The following PLCE1 variants were observed in gnomAD, a reference collection of about 807,000 sequenced individuals.
The protein encoded by PLCE1 is 1-phosphatidylinositol 4,5-bisphosphate phosphodiesterase epsilon-1.
In PLCE1, 119 loss-of-function variants were observed where a neutral mutation model predicts 242.8. The observed-to-expected ratio is 0.49, with a 90% CI of 0.42 to 0.57. The LOEUF (loss-of-function observed/expected upper bound fraction) is 0.57, where lower values mean the gene tolerates loss of function less well. Among genes scored for constraint, PLCE1 ranks in the 20% least tolerant of loss-of-function variants. The pLI is 0.00. For synonymous variants in PLCE1, 945 were observed against 1,017.4 expected (o/e 0.93, Z 1.35); for missense variants, 2,441 against 2,788.8 (o/e 0.88, Z 2.81).
chr10:94,150,102 T>C (rs1392695698), intron 3 of PLCE1, among the ~76,000 whole-genome samples: 1 of 152,186 alleles, frequency 6.6e-6, no homozygotes, highest in Non-Finnish European at 1.5e-5. Context: ...AACAAGTAGA[T>C]GTTAACACAC....
intron 11 of PLCE1, 127 bp downstream of exon 11, chr10:94,255,176 G>A (rs1244541318): frequency 2.6e-6 from 3 of 1,147,274 alleles, no homozygotes; most frequent in Admixed American, 2.2e-5. Context: ...ACTGAAAACT[G>A]AAAAATCCCA....
intron 2 of PLCE1, among the ~76,000 whole-genome samples, chr10:94,102,782 A>G (rs543135429): frequency 3.3e-5 from 5 of 152,284 alleles, no homozygotes; most frequent in Admixed American, 3.3e-4. Context: ...AAGCCCACCC[A>G]TTCCCAGGGG....
chr10:94,226,399 A>G (rs1428760149), intron 4 of PLCE1, among the ~76,000 whole-genome samples: 2 of 152,170 alleles, frequency 1.3e-5, no homozygotes, highest in South Asian at 2.1e-4. Context: ...GACCTTACAC[A>G]CATCCCTGAG....
In PLCE1 at chr10:94,067,448, A is replaced by T. The variant is rs570859502; in HGVS notation, c.1206+35196A>T. Reference sequence around the variant, plus strand: ...ACCTCTTCATAATGCAAATCTGATCATCTCATTCATTCCTTGTTAAAAGCC... The same window carrying T: ...ACCTCTTCATAATGCAAATCTGATCTTCTCATTCATTCCTTGTTAAAAGCC... On this transcript the variant is annotated intron_variant, in intron 2 of 32. Coordinates refer to ENST00000371380, the MANE Select transcript of PLCE1 (RefSeq NM_016341.4). Among the ~76,000 whole-genome samples the T allele has an allele frequency of 1.3e-4, 20 of 152,326 alleles. No homozygotes were observed. In the South Asian group the frequency reaches 3.7e-3, roughly 28 times the overall value.
In PLCE1 at chr10:94,293,563, G is replaced by T; in HGVS notation, c.5091G>T (p.Arg1697Ser). ...GSSRGKERKS[R>S]KSIFGNNPGR... ...GCAGAGGAAAAGAAAGGAAAAGCAG[G>T]AAGTCCATTTTTGGCAACAATCCGG... Residue 1697 changes from arginine to serine, a missense_variant, in exon 23 of 33, where the codon AGG becomes AGT. Coordinates refer to ENST00000371380, the MANE Select transcript of PLCE1 (RefSeq NM_016341.4). The T allele has an allele frequency of 6.2e-7, 1 of 1,613,968 alleles. No homozygotes were observed.
chr10:94,058,336 A>C (rs1374953133), intron 2 of PLCE1, among the ~76,000 whole-genome samples: 1 of 152,164 alleles, frequency 6.6e-6, no homozygotes, highest in Non-Finnish European at 1.5e-5. Flanking sequence ...TAGAAATGTC[A>C]ACAGCAGAGA....
chr10:94,091,314 A>G (rs564240430), intron 2 of PLCE1, among the ~76,000 whole-genome samples: 5 of 152,358 alleles, frequency 3.3e-5, no homozygotes, highest in African/African-American at 1.2e-4. Context: ...AAGGGTAAAC[A>G]ATGAAAAGCC....
chr10:94,127,812 A>G (rs1590080855), intron 2 of PLCE1, among the ~76,000 whole-genome samples: 2 of 152,328 alleles, frequency 1.3e-5, no homozygotes, highest in African/African-American at 4.8e-5. Context: ...TGGCAAAGCA[A>G]CTTATCCAAG....
intron 4 of PLCE1, among the ~76,000 whole-genome samples, chr10:94,222,359 A>G (rs554774628): frequency 5.3e-5 from 8 of 152,290 alleles, no homozygotes; most frequent in African/African-American, 1.7e-4. Flanking sequence ...TCATTCATTC[A>G]TTCATATGTT....
chr10:94,214,132 A>G (rs1032471249), intron 4 of PLCE1, among the ~76,000 whole-genome samples: 1 of 152,218 alleles, frequency 6.6e-6, no homozygotes, highest in Admixed American at 6.5e-5. Context: ...GACATGAGTG[A>G]GAGGTGCTTG....
chr10:94,284,898 G>A lies in PLCE1; in HGVS notation c.4968G>A (p.Lys1656=), dbSNP rs1039674982. ...AATTTTATCTTGATCAGAATAAAAA[G>A]GAAAGCAGACAGATTGCACCAGAGC... The part of the protein sequence containing the change: ...GEEFYLDQNK[K]ESRQIAPELS... The change falls in exon 22 of 33, where the codon AAG becomes AAA. Residue 1656 remains lysine (K), a synonymous_variant. Coordinates refer to ENST00000371380, the MANE Select transcript of PLCE1 (RefSeq NM_016341.4). The A allele has an allele frequency of 1.7e-5, 28 of 1,611,918 alleles. No individual in the cohort carries two copies. The highest frequency in any genetic ancestry group is 2.3e-5 in the Non-Finnish European group (27 of 1,178,280).
At chr10:94,047,754 A>G (rs1185128706) in intron 2 of PLCE1, among the ~76,000 whole-genome samples, 1 of 152,198 alleles carries the variant, frequency 6.6e-6, no homozygotes, top group African/African-American at 2.4e-5. Context: ...GACAAACCCT[A>G]TGCCTAGCCA....
chr10:94,303,288 A>G (rs1448864546), intron 24 of PLCE1, among the ~76,000 whole-genome samples: 1 of 152,228 alleles, frequency 6.6e-6, no homozygotes, highest in Non-Finnish European at 1.5e-5. Flanking sequence ...GGGAGTATTC[A>G]TCAGGTGTGT....
intron 7 of PLCE1, among the ~76,000 whole-genome samples, chr10:94,243,917 ATT>A (rs1470529531): frequency 6.6e-6 from 1 of 152,190 alleles, no homozygotes; most frequent in East Asian, 1.9e-4. Context: ...CTTGCTTAAA[ATT>A]TGTGTTATTC....
At chr10:94,146,936 G>A (rs1209310084) in intron 3 of PLCE1, among the ~76,000 whole-genome samples, 1 of 152,172 alleles carries the variant, frequency 6.6e-6, no homozygotes, top group East Asian at 1.9e-4. Flanking sequence ...GTTCCAGGTA[G>A]CATTCACATT....
At chr10:94,318,131 T>C (rs2053640781) in intron 29 of PLCE1, among the ~76,000 whole-genome samples, 1 of 152,222 alleles carries the variant, frequency 6.6e-6, no homozygotes, top group South Asian at 2.1e-4. Context: ...TGACCTTGCC[T>C]GAGACAATGA....
chr10:94,304,042 T>C (rs1158858451), intron 24 of PLCE1, among the ~76,000 whole-genome samples: 1 of 152,206 alleles, frequency 6.6e-6, no homozygotes, highest in South Asian at 2.1e-4. Context: ...AAGGATGGTA[T>C]AGGTTATAAT....
In PLCE1 at chr10:94,308,563, A is replaced by G. The variant is rs1434879636; in HGVS notation, c.5885-18A>G. On this transcript the variant is annotated intron_variant, in intron 26 of 32. Transcript: ENST00000371380. ...TAGCCATGGTTAACAAGCTTTTCCC[A>G]ATTCTGTATTACTCCAGGATATCGA... 2 of 1,521,946 alleles carry G rather than the reference A, an allele frequency of 1.3e-6. No homozygotes were observed. Among genetic ancestry groups the G allele is most frequent in the Admixed American group, 3.3e-5 (2 of 59,938 alleles). The allele number at this position is 1,521,946 out of a possible 1,614,324, so 94.3% of individuals were successfully genotyped here. A position where few individuals can be genotyped will look rare whatever the true frequency, so the allele number is the denominator to read the frequency against.
chr10:94,327,198 G>A (rs898267021), intron 32 of PLCE1, among the ~76,000 whole-genome samples: 2 of 152,172 alleles, frequency 1.3e-5, no homozygotes, highest in Non-Finnish European at 2.9e-5. Flanking sequence ...ATAGTCATTG[G>A]TGCATCTATG....
Sources: gnomAD v4.1 joint callset for allele counts (sites outside exome capture counted in the v4.1 genomes callset) on GRCh38, gnomAD v4.1.1 for gene constraint, MANE v1.5 for transcripts, NCBI Gene and HGNC (gene_info 2026-07-23, HGNC 2026-07-21) for gene names.